IL20RB: variants seen among roughly 807,000 people sequenced by gnomAD.
IL20RB encodes interleukin 20 receptor subunit beta.
Under a neutral mutation model 33.3 loss-of-function variants are expected in IL20RB, and 21 were observed. The ratio of observed to expected loss-of-function variants is 0.63; its 90% confidence interval spans 0.45 to 0.91. The LOEUF (loss-of-function observed/expected upper bound fraction) is 0.91, where lower values mean the gene tolerates loss of function less well. Ranked by LOEUF, IL20RB falls within the 40% of genes least tolerant of loss-of-function variation. IL20RB has a pLI of 0.00. For synonymous variants in IL20RB, 147 were observed against 146.8 expected (o/e 1.00, Z -0.01); for missense variants, 345 against 384.8 (o/e 0.90, Z 0.86).
chr3:136,964,725 T>G (rs1941325233), intron 1 of IL20RB, among the ~76,000 whole-genome samples: 1 of 66,002 alleles, frequency 1.5e-5, no homozygotes, highest in African/African-American at 7.1e-5. Context: ...AATTTTGGCT[T>G]TTGTTGCCAT....
chr3:136,981,636 G>A (rs1323294139), intron 2 of IL20RB, among the ~76,000 whole-genome samples: 1 of 152,218 alleles, frequency 6.6e-6, no homozygotes, highest in Non-Finnish European at 1.5e-5. Flanking sequence ...TGAACAGTTA[G>A]TCAAAGGTCC....
intron 3 of IL20RB, chr3:136,986,579 G>A (rs576733023): frequency 5.4e-4 from 229 of 426,988 alleles, no homozygotes; most frequent in Middle Eastern, 1.0e-3. Context: ...GTTGGCCCTG[G>A]CTTCCCAAGT....
At chr3:137,003,141 G>C (rs1043926563) in intron 6 of IL20RB, among the ~76,000 whole-genome samples, 1 of 152,050 alleles carries the variant, frequency 6.6e-6, no homozygotes, top group Non-Finnish European at 1.5e-5. Flanking sequence ...CTCTGTTTTG[G>C]TACCAGTACC....
At chr3:136,982,878 A>G (rs1186204233) in intron 3 of IL20RB, among the ~76,000 whole-genome samples, 1 of 152,234 alleles carries the variant, frequency 6.6e-6, no homozygotes, top group Admixed American at 6.5e-5. Context: ...GAAAGAAGTA[A>G]TAGAGGAATC....
At chr3:136,976,505 T>C (rs1343446836) in intron 1 of IL20RB, among the ~76,000 whole-genome samples, 1 of 152,172 alleles carries the variant, frequency 6.6e-6, no homozygotes, top group Non-Finnish European at 1.5e-5. Context: ...GCTTGAGCCC[T>C]TACCTTGCTG....
At chr3:136,962,833 C>A (rs1577006442) in intron 1 of IL20RB, among the ~76,000 whole-genome samples, 2 of 112,526 alleles carry the variant, frequency 1.8e-5, no homozygotes. Context: ...CTAGACATGA[C>A]AGCTAAATGA....
intron 1 of IL20RB, among the ~76,000 whole-genome samples, chr3:136,972,788 C>T (rs1453463617): frequency 6.6e-6 from 1 of 151,082 alleles, no homozygotes; most frequent in Admixed American, 6.6e-5. Context: ...GTCTCTATTC[C>T]ATTAAATTCT....
intron 3 of IL20RB, among the ~76,000 whole-genome samples, chr3:136,987,877 C>A (rs1270958182): frequency 6.6e-6 from 1 of 152,156 alleles, no homozygotes; most frequent in South Asian, 2.1e-4. Context: ...GCCGGCTGCT[C>A]CGAGTGCGGG....
Position 137,010,210 on chromosome 3 carries a change from C to CCTGGATCTCAT in IL20RB, c.924_934dup (p.Ter312SerfsTer12). 6.4e-7 allele frequency: 1 copy of CCTGGATCTCAT among 1,554,962 alleles called. No individual in the cohort carries two copies. Among genetic ancestry groups the CCTGGATCTCAT allele is most frequent in the Non-Finnish European group, 8.9e-7 (1 of 1,126,022 alleles). On this transcript the variant is annotated frameshift_variant, in exon 7 of 7. Coordinates refer to ENST00000329582, the MANE Select transcript of IL20RB (RefSeq NM_144717.4). LOFTEE classifies it high-confidence loss of function. Reference sequence around the variant, plus strand: ...ATGTCTCCTGAGGAACTCCTCAGGGCCTGGATCTCATAGGTTTGCGGAAGG... The same window carrying CCTGGATCTCAT: ...ATGTCTCCTGAGGAACTCCTCAGGGCCTGGATCTCATCTGGATCTCATAGGTTTGCGGAAGG...
At chr3:136,976,659 G>A (rs556585659) in intron 1 of IL20RB, among the ~76,000 whole-genome samples, 2 of 152,326 alleles carry the variant, frequency 1.3e-5, no homozygotes, top group Middle Eastern at 3.4e-3. Flanking sequence ...AGCTGTGGGA[G>A]CTCATTCCCA....
intron 6 of IL20RB, among the ~76,000 whole-genome samples, chr3:137,002,046 T>C (rs1256050857): frequency 2.0e-5 from 3 of 152,170 alleles, no homozygotes; most frequent in African/African-American, 2.4e-5. Context: ...GTCCTTGTGA[T>C]AGTTTGCTGA....
At chr3:136,979,515 T>A (rs893121573) in intron 1 of IL20RB, among the ~76,000 whole-genome samples, 7 of 152,224 alleles carry the variant, frequency 4.6e-5, no homozygotes, top group Admixed American at 2.0e-4. Flanking sequence ...GTTCAGACTG[T>A]ACCTTTGGGT....
chr3:136,987,954 C>T (rs1445590180), intron 3 of IL20RB, among the ~76,000 whole-genome samples: 3 of 152,208 alleles, frequency 2.0e-5, no homozygotes, highest in South Asian at 4.1e-4. Context: ...GCCCCGGTTC[C>T]AGCTCGCGCC....
chr3:136,999,541 C>T (rs1942199810), intron 6 of IL20RB, among the ~76,000 whole-genome samples: 2 of 149,154 alleles, frequency 1.3e-5, no homozygotes, highest in South Asian at 4.3e-4. Context: ...TGCTCCCAGC[C>T]CATATTTCTT....
At chr3:136,994,788 A>G (rs866496952) in intron 5 of IL20RB, among the ~76,000 whole-genome samples, 1 of 152,302 alleles carries the variant, frequency 6.6e-6, no homozygotes, top group Middle Eastern at 3.4e-3. Context: ...TCACTTAACC[A>G]TTCTGAGCAT....
At chr3:136,987,694 G>C (rs1251930728) in intron 3 of IL20RB, among the ~76,000 whole-genome samples, 1 of 152,184 alleles carries the variant, frequency 6.6e-6, no homozygotes, top group Non-Finnish European at 1.5e-5. Context: ...GGGGTGGGAG[G>C]CTCAGGCATG....
chr3:136,974,169 G>A (rs1267940178), intron 1 of IL20RB, among the ~76,000 whole-genome samples: 1 of 151,824 alleles, frequency 6.6e-6, no homozygotes, highest in African/African-American at 2.4e-5. Flanking sequence ...GTGTTTTAGT[G>A]GATTTCTGTA....
chr3:137,007,388 T>C (rs1057484709), intron 6 of IL20RB, among the ~76,000 whole-genome samples: 1 of 152,172 alleles, frequency 6.6e-6, no homozygotes, highest in Non-Finnish European at 1.5e-5. Context: ...CTATGCCCTG[T>C]CCATAGAGGT....
chr3:136,970,100 G>GA (rs1044804053), intron 1 of IL20RB, among the ~76,000 whole-genome samples: 2 of 144,050 alleles, frequency 1.4e-5, no homozygotes, highest in Non-Finnish European at 3.1e-5. Context: ...TTGTTTTTTT[G>GA]TTTTTTTTTT....
Sources: gnomAD v4.1 joint callset for allele counts (sites outside exome capture counted in the v4.1 genomes callset) on GRCh38, gnomAD v4.1.1 for gene constraint, MANE v1.5 for transcripts, NCBI Gene and HGNC (gene_info 2026-07-23, HGNC 2026-07-21) for gene names.